PTPRT: variants seen among roughly 807,000 people sequenced by gnomAD.
PTPRT encodes protein tyrosine phosphatase receptor type T, also known as receptor-type tyrosine-protein phosphatase T.
PTPRT carries 56 observed loss-of-function variants against 176.8 expected under a neutral mutation model. That is an observed-to-expected ratio of 0.32 (90% CI 0.26 to 0.40). The LOEUF (loss-of-function observed/expected upper bound fraction) is 0.40, where lower values mean the gene tolerates loss of function less well. Among genes scored for constraint, PTPRT ranks in the 10% least tolerant of loss-of-function variants. The pLI, the probability that PTPRT is intolerant of heterozygous loss-of-function variation, is 1.00. For synonymous variants in PTPRT, 783 were observed against 739.0 expected, an observed-to-expected ratio of 1.06 and a Z score of -0.96; for missense variants, 1,540 against 1,908.2, an observed-to-expected ratio of 0.81 and a Z score of 3.60.
At chr20:42,216,484 G>A (rs568242011) in intron 15 of PTPRT, among the ~76,000 whole-genome samples, 2 of 152,244 alleles carry the variant, frequency 1.3e-5, no homozygotes, top group African/African-American at 2.4e-5. Context: ...TGATCTCTTC[G>A]TGATAGGGTA....
At chr20:42,162,621 A>T (rs977784910) in intron 16 of PTPRT, among the ~76,000 whole-genome samples, 1 of 152,212 alleles carries the variant, frequency 6.6e-6, no homozygotes, top group African/African-American at 2.4e-5. Flanking sequence ...TGTTTGTGGC[A>T]TGCAAGAGAT....
At chr20:42,102,354 A>G in intron 25 of PTPRT, 57 bp from the exon 26 acceptor site, 1 of 1,550,658 alleles carries the variant, frequency 6.4e-7, no homozygotes, top group South Asian at 1.1e-5. Flanking sequence ...CCCTGAGCAA[A>G]AGAGACAGTA....
At chr20:42,069,810 C>A (rs1982245486), downstream of PTPRT, among the ~76,000 whole-genome samples, 1 of 152,106 alleles carries the variant, frequency 6.6e-6, no homozygotes, top group South Asian at 2.1e-4. Flanking sequence ...AATGCCTATT[C>A]AATAGAGTGG....
intron 7 of PTPRT, among the ~76,000 whole-genome samples, chr20:42,595,004 G>A (rs995968648): frequency 3.3e-5 from 5 of 152,228 alleles, no homozygotes; most frequent in African/African-American, 1.2e-4. Flanking sequence ...TTTTTAATAT[G>A]TCTCCTGTTT....
intron 1 of PTPRT, among the ~76,000 whole-genome samples, chr20:43,144,743 G>A (rs140448614): frequency 6.6e-5 from 10 of 152,116 alleles, no homozygotes; most frequent in African/African-American, 2.2e-4. Flanking sequence ...AATGGATTGT[G>A]ATGATGATTG....
At chr20:42,059,525 A>G in the PTPRT span, among the ~76,000 whole-genome samples, 1 of 152,220 alleles carries the variant, frequency 6.6e-6, no homozygotes, top group Non-Finnish European at 1.5e-5. Context: ...AAATTGTGAT[A>G]TCTGCCATTT....
intron 5 of PTPRT, among the ~76,000 whole-genome samples, chr20:42,761,873 C>A (rs2076920607): frequency 6.6e-6 from 1 of 152,200 alleles, no homozygotes; most frequent in South Asian, 2.1e-4. Flanking sequence ...ATACCAGACA[C>A]TGAGACATTA....
intron 12 of PTPRT, among the ~76,000 whole-genome samples, chr20:42,312,509 T>C (rs2057649584): frequency 6.6e-6 from 1 of 152,236 alleles, no homozygotes. Context: ...GACAGTCATT[T>C]GAAACAGTGT....
chr20:42,712,419 T>C (rs1359486655), intron 6 of PTPRT, among the ~76,000 whole-genome samples: 1 of 152,110 alleles, frequency 6.6e-6, no homozygotes, highest in East Asian at 1.9e-4. Flanking sequence ...TTCTATGTAC[T>C]CCTCCCAGTT....
intron 6 of PTPRT, among the ~76,000 whole-genome samples, chr20:42,732,313 G>T (rs1418229900): frequency 6.6e-6 from 1 of 152,194 alleles, no homozygotes; most frequent in Non-Finnish European, 1.5e-5. Context: ...GGCAGCTCTG[G>T]TCTATAGTAT....
At position 42,118,503 on chromosome 20, in the gene PTPRT, G is replaced by A. The variant is rs1218148558; in HGVS notation, c.2885-3C>T. 1 of 1,603,228 alleles carries A rather than the reference G, an allele frequency of 6.2e-7. No homozygotes were observed. Among genetic ancestry groups the A allele is most frequent in the Non-Finnish European group, 8.5e-7 (1 of 1,174,194 alleles). On this transcript the variant is annotated splice_region_variant and splice_polypyrimidine_tract_variant and intron_variant, in intron 20 of 30. Transcript: ENST00000373187. ...CTTTACAGTCTCCTGCATCGGACCT[G>A]CCAACAGAGAAGACAGTGAGGTTAG...
chr20:42,345,364 T>TACACACAC (rs778541205), intron 11 of PTPRT, among the ~76,000 whole-genome samples: 1 of 92,932 alleles, frequency 1.1e-5, no homozygotes, highest in Middle Eastern at 4.3e-3. Context: ...TGAAGGCATA[T>TACACACAC]ATACACACAC....
chr20:42,970,130 C>T (rs1474362432), intron 1 of PTPRT, among the ~76,000 whole-genome samples: 4 of 152,188 alleles, frequency 2.6e-5, no homozygotes, highest in African/African-American at 9.7e-5. Context: ...ATCCTCCCAG[C>T]GCAGCAGTTC....
chr20:42,843,149 ATT>A (rs1184786077), intron 2 of PTPRT, among the ~76,000 whole-genome samples: 1 of 152,194 alleles, frequency 6.6e-6, no homozygotes, highest in Non-Finnish European at 1.5e-5. Context: ...AAACTCCACA[ATT>A]AAGATTTCTG....
At chr20:42,345,498 A>G (rs917818106) in intron 11 of PTPRT, among the ~76,000 whole-genome samples, 3 of 149,172 alleles carry the variant, frequency 2.0e-5, no homozygotes, top group Non-Finnish European at 4.4e-5. Flanking sequence ...ATACACATAT[A>G]TATAAAACTA....
Position 42,155,396 on chromosome 20 carries a change from G to T in PTPRT, c.2682+5956C>A, listed in dbSNP as rs541316719. 3.3e-5 allele frequency among the ~76,000 whole-genome samples: 5 copies of T among 152,276 alleles called. No homozygotes were observed. The East Asian group carries it at 7.8e-4, about 24-fold the overall frequency. ...ACCATGGAAGCGGCAGCCCCAGATAGTGAGGTCCCATGCGACCATCAGTGG... is the reference window on the plus strand; with the variant it reads ...ACCATGGAAGCGGCAGCCCCAGATATTGAGGTCCCATGCGACCATCAGTGG... On this transcript the variant is annotated intron_variant, in intron 17 of 30. Coordinates refer to ENST00000373187, the MANE Select transcript of PTPRT (RefSeq NM_007050.6).
In PTPRT at chr20:42,084,695, C is replaced by T; in HGVS notation, c.4123G>A (p.Val1375Met). ...EQYDGREGRT[V>M]VHCLNGGGRS... is the part of the protein sequence containing the mutation. ...CCTAGTACTCACAGGCAGTGGACCA[C>T]AGTACGTCCCTCCCTCCCGTCATAC... Residue 1375 changes from valine to methionine, a missense_variant, in exon 29 of 31, where the codon GTG (valine) becomes ATG (methionine). Val to Met is a conservative substitution (Grantham distance 21). Coordinates refer to ENST00000373187, the MANE Select transcript of PTPRT (RefSeq NM_007050.6). 3.3e-6 allele frequency: 5 copies of T among 1,537,530 alleles called. No individual in the cohort carries two copies. Among genetic ancestry groups the T allele is most frequent in the Non-Finnish European group, 4.4e-6 (5 of 1,136,036 alleles).
At chr20:42,478,796 G>A (rs760219741) in intron 7 of PTPRT, among the ~76,000 whole-genome samples, 6 of 151,882 alleles carry the variant, frequency 4.0e-5, no homozygotes, top group African/African-American at 7.3e-5. Flanking sequence ...CAGGGTTATT[G>A]TTCATATGTT....
chr20:42,605,311 G>A (rs1325788155), intron 7 of PTPRT, among the ~76,000 whole-genome samples: 1 of 148,386 alleles, frequency 6.7e-6, no homozygotes, highest in Non-Finnish European at 1.5e-5. Context: ...CCTTGCTTAG[G>A]GGCAGGCAAA....
Sources: allele counts gnomAD v4.1 joint callset (sites outside exome capture counted in the v4.1 genomes callset), GRCh38; gene constraint gnomAD v4.1.1; transcripts MANE v1.5; gene names NCBI Gene and HGNC (gene_info 2026-07-23, HGNC 2026-07-21).